Variants in SHE observed in about 807,000 individuals in gnomAD.
SHE encodes SH2 domain-containing adapter protein E.
Under a neutral mutation model 49.8 loss-of-function variants are expected in SHE, and 11 were observed. The ratio of observed to expected loss-of-function variants is 0.22; its 90% confidence interval spans 0.14 to 0.37. The LOEUF is 0.37. SHE is among the 10% of genes least tolerant of loss of function. The pLI is 1.00. For synonymous variants in SHE, 310 were observed against 278.1 expected (o/e 1.11, Z -1.14); for missense variants, 624 against 655.5 (o/e 0.95, Z 0.52).
In SHE at chr1:154,480,113, T is replaced by C; in HGVS notation, c.*4036A>G. 5.1e-6 allele frequency: 5 copies of C among 985,496 alleles called. No individual in the cohort carries two copies. Among genetic ancestry groups the C allele is most frequent in the Non-Finnish European group, 6.0e-6 (5 of 829,950 alleles). 61.0% of individuals were successfully genotyped at this position (985,496 alleles called of 1,614,324 possible). A position where few individuals can be genotyped will look rare whatever the true frequency, so the allele number is the denominator to read the frequency against. On this transcript the variant is annotated 3_prime_UTR_variant, in exon 6 of 6. Transcript: ENST00000304760. ...CAGGCCAAGTTTCTCTAGTCCACGT[T>C]AGTGGGGCACAAAAATTGGAAATGA...
In SHE at chr1:154,482,632, G is replaced by C; in HGVS notation, c.*1517C>G. The C allele has an allele frequency of 2.0e-6, 2 of 985,404 alleles. No individual in the cohort carries two copies. The highest frequency in any genetic ancestry group is 2.4e-6 in the Non-Finnish European group (2 of 829,932). The allele number at this position is 985,404 out of a possible 1,614,324, so 61.0% of individuals were successfully genotyped here. On this transcript the variant is annotated 3_prime_UTR_variant, in exon 6 of 6. Coordinates refer to ENST00000304760, the MANE Select transcript of SHE (RefSeq NM_001010846.3). ...ACCCCAGAATACAGACACATCTGCT[G>C]AATTTTAATTCTGGAGCCATTCACC...
chr1:154,484,295 T>C lies in SHE; in HGVS notation c.1342A>G (p.Lys448Glu). The C allele has an allele frequency of 6.2e-7, 1 of 1,614,232 alleles. No individual in the cohort carries two copies. Among genetic ancestry groups the C allele is most frequent in the Non-Finnish European group, 8.5e-7 (1 of 1,180,038 alleles). Residue 448 changes from lysine (K) to glutamate (E), a missense_variant, in exon 6 of 6, where the codon AAA (lysine) becomes GAA (glutamate). Around this residue, in one of 4 missense-constraint regions of SHE, gnomAD observed 125 missense variants for 181.7 expected, o/e 0.69. Coordinates refer to ENST00000304760, the MANE Select transcript of SHE (RefSeq NM_001010846.3). ...GCVHIIVAQTKDNKYTLNQTS... is the reference protein window; with the variant it reads ...GCVHIIVAQTEDNKYTLNQTS... ...TGATTCAGTGTGTATTTGTTGTCTT[T>C]GGTCTGAGCCACTATGATGTGGACA... is the stretch of plus-strand genomic sequence containing the variant.
chr1:154,496,510 G>T (rs1030754907), intron 2 of SHE, among the ~76,000 whole-genome samples: 1 of 152,166 alleles, frequency 6.6e-6, no homozygotes, highest in Non-Finnish European at 1.5e-5. Context: ...CCTCACTTAC[G>T]GGTGAAGTTT....
chr1:154,490,602 G>A (rs931095837), intron 2 of SHE, among the ~76,000 whole-genome samples: 1 of 152,152 alleles, frequency 6.6e-6, no homozygotes, highest in Non-Finnish European at 1.5e-5. Context: ...AGGTGGGAAC[G>A]ATAGAGGGCT....
At chr1:154,495,467 A>G (rs1692498031) in intron 2 of SHE, among the ~76,000 whole-genome samples, 1 of 152,166 alleles carries the variant, frequency 6.6e-6, no homozygotes, top group Non-Finnish European at 1.5e-5. Context: ...TTTAAAAGTT[A>G]AGAGCAAAGT....
Position 154,501,502 on chromosome 1 carries a change from C to G in SHE, c.525G>C (p.Ala175=). ...SSSSSSSSSS[A]SSSPSSLGPE... is the part of the protein sequence containing the mutation. ...GCCCCAGGGAGGAAGGGGAAGAGGA[C>G]GCGGAGGAAGAGGAGCTGGAGCTGG... The change falls in exon 1 of 6, where the codon GCG becomes GCC. Residue 175 remains alanine (A), a synonymous_variant. Transcript: ENST00000304760. The G allele has an allele frequency of 6.2e-7, 1 of 1,614,144 alleles. No individual in the cohort carries two copies. Among genetic ancestry groups the G allele is most frequent in the South Asian group, 1.1e-5 (1 of 91,084 alleles).
In SHE at chr1:154,481,748, C is replaced by A; in HGVS notation, c.*2401G>T. ...ATAATAAATATTTGTTGAATGGATGCTGAAAAAACCTTTTAAAATCTTACA... is the reference window on the plus strand; with the variant it reads ...ATAATAAATATTTGTTGAATGGATGATGAAAAAACCTTTTAAAATCTTACA... On this transcript the variant is annotated 3_prime_UTR_variant, in exon 6 of 6. Transcript: ENST00000304760. The A allele has an allele frequency of 1.1e-5, 11 of 961,148 alleles. No individual in the cohort carries two copies. Among genetic ancestry groups the A allele is most frequent in the Non-Finnish European group, 1.4e-5 (11 of 808,036 alleles). The allele number at this position is 961,148 out of a possible 1,614,324, so 59.5% of individuals were successfully genotyped here.
chr1:154,500,338 T>C (rs1692670100), intron 1 of SHE, among the ~76,000 whole-genome samples: 1 of 152,214 alleles, frequency 6.6e-6, no homozygotes, highest in Non-Finnish European at 1.5e-5. Context: ...ACATATGAGC[T>C]GGGTCCCCGT....
Position 154,482,945 on chromosome 1 carries a change from A to G in SHE, c.*1204T>C. 1.0e-6 allele frequency: 1 copy of G among 985,008 alleles called. No individual in the cohort carries two copies. The highest frequency in any genetic ancestry group is 1.2e-6 in the Non-Finnish European group (1 of 829,542). The allele number at this position is 985,008 out of a possible 1,614,324, so 61.0% of individuals were successfully genotyped here. A position where few individuals can be genotyped will look rare whatever the true frequency, so the allele number is the denominator to read the frequency against. On this transcript the variant is annotated 3_prime_UTR_variant, in exon 6 of 6. Coordinates refer to ENST00000304760, the MANE Select transcript of SHE (RefSeq NM_001010846.3). ...ACAAAGCAAATCTAATTTTAGAGACAAAAATTAAAAATTATTCCATAGCAA... is the reference window on the plus strand; with the variant it reads ...ACAAAGCAAATCTAATTTTAGAGACGAAAATTAAAAATTATTCCATAGCAA...
downstream of SHE, among the ~76,000 whole-genome samples, chr1:154,475,247 C>T (rs543246519): frequency 9.9e-5 from 15 of 152,234 alleles, no homozygotes; most frequent in East Asian, 2.9e-3. Context: ...AGTGCAACGG[C>T]GTGATCTTGG....
chr1:154,473,067 C>T (rs534970877), intron 1 of SHE, among the ~76,000 whole-genome samples: 1 of 151,904 alleles, frequency 6.6e-6, no homozygotes, highest in Non-Finnish European at 1.5e-5. Context: ...GGCACAATCT[C>T]GGCTCACCAC....
intron 2 of SHE, among the ~76,000 whole-genome samples, chr1:154,493,034 G>GAA (rs1434084019): frequency 1.3e-5 from 2 of 152,206 alleles, no homozygotes; most frequent in African/African-American, 2.4e-5. Context: ...ATAGTGATTA[G>GAA]AATCTTGAGT....
At chr1:154,475,226 G>T (rs985535466), downstream of SHE, among the ~76,000 whole-genome samples, 2 of 151,984 alleles carry the variant, frequency 1.3e-5, no homozygotes, top group African/African-American at 4.8e-5. Flanking sequence ...CACTCTTTTT[G>T]CCCAGGCTGG....
At position 154,490,995 on chromosome 1, in the gene SHE, A is replaced by G. The variant is rs558942585; in HGVS notation, c.719-1639T>C. Reference sequence around the variant, plus strand: ...CCAGCCACAGTGAGAAGGAACTAGCAGTACAGGGTGGTGAGCAGCCTGGGG... The same window carrying G: ...CCAGCCACAGTGAGAAGGAACTAGCGGTACAGGGTGGTGAGCAGCCTGGGG... On this transcript the variant is annotated intron_variant, in intron 2 of 5. Coordinates refer to ENST00000304760, the MANE Select transcript of SHE (RefSeq NM_001010846.3). 2.0e-5 allele frequency among the ~76,000 whole-genome samples: 3 copies of G among 152,310 alleles called. No homozygotes were observed. In the East Asian group the frequency reaches 5.8e-4, roughly 29 times the overall value.
intron 1 of SHE, among the ~76,000 whole-genome samples, chr1:154,471,213 T>C (rs767369182): frequency 2.0e-5 from 3 of 151,930 alleles, no homozygotes; most frequent in Non-Finnish European, 4.4e-5. Flanking sequence ...CTTCTGCAGG[T>C]GTATGTCACT....
At position 154,501,815 on chromosome 1, in the gene SHE, G is replaced by T; in HGVS notation, c.212C>A (p.Ala71Glu). The change falls in exon 1 of 6, where the codon GCG becomes GAG. Residue 71 changes from alanine (A) to glutamate (E), a missense_variant. Ala to Glu is a moderately radical substitution (Grantham distance 107). This residue lies in a region of SHE where 337 missense variants were observed against 306.0 expected (regional missense o/e 1.10). Coordinates refer to ENST00000304760, the MANE Select transcript of SHE (RefSeq NM_001010846.3). ...GCCAGGACCCGGCCCAGCGCCGCCC[G>T]CCTCCGAGTTCTTGCGCAATTTGCC... ...GGGKLRKNSE[A>E]GGAGPGPGKG... 6.4e-7 allele frequency: 1 copy of T among 1,551,036 alleles called. No homozygotes were observed. The highest frequency in any genetic ancestry group is 8.7e-7 in the Non-Finnish European group (1 of 1,156,024).
chr1:154,499,317 A>G (rs1157017252), intron 1 of SHE, 79 bp from the exon 2 acceptor site: 2 of 1,493,762 alleles, frequency 1.3e-6, no homozygotes, highest in Non-Finnish European at 1.8e-6. Context: ...GGCTACTGAC[A>G]TCTCCTGCAT....
downstream of SHE, among the ~76,000 whole-genome samples, chr1:154,476,083 C>T (rs141746792): frequency 6.4e-4 from 97 of 152,336 alleles, no homozygotes; most frequent in African/African-American, 2.1e-3. Flanking sequence ...CAGTGGCTCA[C>T]ACCTACAATC....
chr1:154,487,372 C>G (rs1236761256), intron 3 of SHE, among the ~76,000 whole-genome samples: 1 of 151,434 alleles, frequency 6.6e-6, no homozygotes, highest in South Asian at 2.1e-4. Context: ...TGTGTATCAT[C>G]CTATAAAACC....
Sources: allele counts gnomAD v4.1 joint callset (sites outside exome capture counted in the v4.1 genomes callset), GRCh38; gene constraint gnomAD v4.1.1; regional missense constraint gnomAD v4.1.1; transcripts MANE v1.5; gene names NCBI Gene and HGNC (gene_info 2026-07-23, HGNC 2026-07-21).